TNRC6A: variants seen among roughly 807,000 people sequenced by gnomAD.
The protein encoded by TNRC6A is trinucleotide repeat-containing gene 6A protein.
TNRC6A carries 44 observed loss-of-function variants against 221.2 expected under a neutral mutation model. The ratio of observed to expected loss-of-function variants is 0.20; its 90% CI spans 0.16 to 0.26. The LOEUF (loss-of-function observed/expected upper bound fraction) is 0.26, where lower values mean the gene tolerates loss of function less well. Ranked by LOEUF, TNRC6A falls within the 10% of genes least tolerant of loss-of-function variation. The probability of loss-of-function intolerance (pLI) is 1.00; values close to 1 mark genes in which losing one functional copy is unlikely to be tolerated. For missense variants in TNRC6A, 2,199 were observed against 2,404.4 expected (o/e 0.91, Z 1.79); for synonymous variants, 847 against 838.5 (o/e 1.01, Z -0.18).
intron 2 of TNRC6A, among the ~76,000 whole-genome samples, chr16:24,739,895 A>G (rs2056856001): frequency 1.3e-5 from 2 of 152,198 alleles, no homozygotes; most frequent in Non-Finnish European, 2.9e-5. Flanking sequence ...AAGGTCACAA[A>G]GATTTACTTG....
intron 17 of TNRC6A, among the ~76,000 whole-genome samples, chr16:24,807,311 A>G (rs377240387): frequency 1.3e-5 from 2 of 152,278 alleles, no homozygotes; most frequent in South Asian, 4.1e-4. Context: ...AGCCTTCAAA[A>G]TCACACTATT....
In TNRC6A at chr16:24,720,716, GAAAAAA is replaced by G. The variant is rs984845041; in HGVS notation, n.403-30003_403-29998del. Among the ~76,000 whole-genome samples, 158 of 122,072 alleles carry G rather than the reference GAAAAAA, an allele frequency of 1.3e-3. 1 individual carries two copies. The highest frequency in any genetic ancestry group is 9.5e-3 in the Middle Eastern group (2 of 210). 80.1% of individuals were successfully genotyped at this position (122,072 alleles called of 152,430 possible). A position where few individuals can be genotyped will look rare whatever the true frequency, so the allele number is the denominator to read the frequency against. ...CAAAAAAAAAAAAAAAAGAAAGAAA[GAAAAAA>G]AAAAAAGAAAAAAGAAAAAGAATTA... On this transcript the variant is annotated intron_variant and non_coding_transcript_variant, in intron 2 of 2. Transcript: ENST00000566108.
Position 24,791,645 on chromosome 16 carries a change from T to A in TNRC6A, c.3003T>A (p.Ile1001=). The A allele has an allele frequency of 6.2e-7, 1 of 1,611,756 alleles. No homozygotes were observed. Among genetic ancestry groups the A allele is most frequent in the Non-Finnish European group, 8.5e-7 (1 of 1,179,442 alleles). ...SPESIRRKME[I]DDGTSAWGDP... is the part of the protein sequence containing the mutation. Reference sequence around the variant, plus strand: ...AATCTATACGTCGCAAAATGGAGATTGATGATGGAACTTCAGCTTGGGGAG... The same window carrying A: ...AATCTATACGTCGCAAAATGGAGATAGATGATGGAACTTCAGCTTGGGGAG... The change falls in exon 6 of 25, where the codon ATT becomes ATA. Residue 1001 remains isoleucine, a synonymous_variant. Coordinates refer to ENST00000395799, the MANE Select transcript of TNRC6A (RefSeq NM_014494.4).
chr16:24,742,755 C>T (rs1415747776), intron 2 of TNRC6A, among the ~76,000 whole-genome samples: 1 of 152,092 alleles, frequency 6.6e-6, no homozygotes, highest in Non-Finnish European at 1.5e-5. Context: ...AATCTTGTCT[C>T]TACTAAAAAT....
upstream of TNRC6A, among the ~76,000 whole-genome samples, chr16:24,725,057 A>G (rs1242075901): frequency 1.3e-5 from 2 of 152,176 alleles, no homozygotes; most frequent in Non-Finnish European, 2.9e-5. Flanking sequence ...ATGGAGAAAA[A>G]GGGCTTATTT....
intron 2 of TNRC6A, among the ~76,000 whole-genome samples, chr16:24,722,418 TTTATTTATTTAC>T (rs548493105): frequency 0.029 from 2,284 of 79,596 alleles, 55 homozygotes; most frequent in East Asian, 0.2. Context: ...CAACTATTTA[TTTATTTATTTAC>T]TTATTTATTT....
rs535737725 is a variant in TNRC6A at position 24,669,941 on chromosome 16, C to CTTTTTTTTTTTTTTTTTTTTTTTTTT, written n.402+28934_402+28959dup. 7.4e-4 allele frequency among the ~76,000 whole-genome samples: 20 copies of CTTTTTTTTTTTTTTTTTTTTTTTTTT among 27,188 alleles called. 9 individuals carry two copies. Among genetic ancestry groups the CTTTTTTTTTTTTTTTTTTTTTTTTTT allele is most frequent in the East Asian group, 2.2e-3 (2 of 902 alleles). 17.8% of individuals were successfully genotyped at this position (27,188 alleles called of 152,430 possible). ...TCGTTATGACCCTATGAGGCAGCTA[C>CTTTTTTTTTTTTTTTTTTTTTTTTTT]TTTTTTTTTTTTTTTTTTTTTTTTT... On this transcript the variant is annotated intron_variant and non_coding_transcript_variant, in intron 2 of 2. Transcript: ENST00000566108.
At chr16:24,634,483 T>C (rs1160158584) in intron 1 of TNRC6A, among the ~76,000 whole-genome samples, 5 of 152,144 alleles carry the variant, frequency 3.3e-5, no homozygotes, top group Admixed American at 3.3e-4. Flanking sequence ...CTTAAGTGTT[T>C]CACACACCTT....
chr16:24,823,885 C>G lies in TNRC6A; in HGVS notation c.*78C>G. On this transcript the variant is annotated 3_prime_UTR_variant, in exon 25 of 25. Coordinates refer to ENST00000395799, the MANE Select transcript of TNRC6A (RefSeq NM_014494.4). The surrounding 1 kb of genome is among the most constrained non-coding windows in gnomAD (Gnocchi z 4.3). Reference sequence around the variant, plus strand: ...ACTAAGTGGGGCTCGCCGCCTGCAGCCAGGGGCCGCCTGTGGGAACAGCTA... The same window carrying G: ...ACTAAGTGGGGCTCGCCGCCTGCAGGCAGGGGCCGCCTGTGGGAACAGCTA... 1 of 1,343,264 alleles carries G rather than the reference C, an allele frequency of 7.4e-7. No individual in the cohort carries two copies. Among genetic ancestry groups the G allele is most frequent in the Non-Finnish European group, 9.7e-7 (1 of 1,034,906 alleles). The allele number at this position is 1,343,264 out of a possible 1,614,324, so 83.2% of individuals were successfully genotyped here. A position where few individuals can be genotyped will look rare whatever the true frequency, so the allele number is the denominator to read the frequency against.
chr16:24,824,095 C>CT lies in TNRC6A; in HGVS notation c.*301dup, dbSNP rs11335420. 2.8e-3 allele frequency: 314 copies of CT among 112,118 alleles called. 1 individual carries two copies. Among genetic ancestry groups the CT allele is most frequent in the Middle Eastern group, 9.6e-3 (2 of 208 alleles). 6.9% of individuals were successfully genotyped at this position (112,118 alleles called of 1,614,324 possible). On this transcript the variant is annotated 3_prime_UTR_variant, in exon 25 of 25. Transcript: ENST00000395799. ...ATTCATCATGTTTAGCCTTTGGATT[C>CT]TTTTTTTTTTTTTCCTTCTATTCCT...
chr16:24,808,798 A>G (rs541163792), intron 17 of TNRC6A, among the ~76,000 whole-genome samples: 5 of 152,214 alleles, frequency 3.3e-5, no homozygotes, highest in Non-Finnish European at 7.3e-5. Context: ...CAAGCGTTTT[A>G]GGTGATTCTA....
intron 1 of TNRC6A, among the ~76,000 whole-genome samples, chr16:24,629,296 A>T (rs969487578): frequency 7.2e-5 from 11 of 152,206 alleles, no homozygotes; most frequent in Admixed American, 5.9e-4. Context: ...AGTGCTTCAA[A>T]CATCTGACAA....
At chr16:24,705,612 A>G (rs972246530) in intron 2 of TNRC6A, among the ~76,000 whole-genome samples, 14 of 152,350 alleles carry the variant, frequency 9.2e-5, no homozygotes, top group Non-Finnish European at 1.8e-4. Context: ...GATTACAGGC[A>G]TGAGTCACCG....
rs551269541 is a variant in TNRC6A, at chr16:24,651,184, CAAA to C, written n.402+10191_402+10193del. On this transcript the variant is annotated intron_variant and non_coding_transcript_variant, in intron 2 of 2. Transcript: ENST00000566108. ...CCACATATCCACCAACTGGGTATGG[CAAA>C]AAAAAAAAAAAAAAATTGTGGTGTA... Among the ~76,000 whole-genome samples the C allele has an allele frequency of 2.3e-3, 256 of 111,896 alleles. 3 individuals are homozygous for C. In the South Asian group the frequency reaches 0.033, roughly 14 times the overall value. 73.4% of individuals were successfully genotyped at this position (111,896 alleles called of 152,430 possible).
intron 2 of TNRC6A, among the ~76,000 whole-genome samples, chr16:24,657,317 C>CAAAAAAAA (rs56241898): frequency 3.5e-4 from 31 of 88,136 alleles, no homozygotes; most frequent in Non-Finnish European, 4.8e-4. Flanking sequence ...GACCCTATCT[C>CAAAAAAAA]AAAAAAAAAA....
chr16:24,680,548 C>T (rs1191505592), intron 2 of TNRC6A, among the ~76,000 whole-genome samples: 1 of 151,828 alleles, frequency 6.6e-6, no homozygotes, highest in African/African-American at 2.4e-5. Context: ...GAAACCTCAT[C>T]TCTACTAAAA....
At chr16:24,699,722 C>CAA in intron 2 of TNRC6A, among the ~76,000 whole-genome samples, 1 of 96,504 alleles carries the variant, frequency 1.0e-5, no homozygotes, top group African/African-American at 4.1e-5. Context: ...CTGTCTCTAC[C>CAA]AAAAAAAAAA....
intron 2 of TNRC6A, among the ~76,000 whole-genome samples, chr16:24,654,242 CAT>C (rs1902829534): frequency 6.6e-6 from 1 of 152,242 alleles, no homozygotes; most frequent in East Asian, 1.9e-4. Context: ...CCAATGTTAA[CAT>C]ATTAAATGAA....
At chr16:24,677,737 T>C (rs1366352015) in intron 2 of TNRC6A, among the ~76,000 whole-genome samples, 2 of 152,214 alleles carry the variant, frequency 1.3e-5, no homozygotes, top group East Asian at 3.9e-4. Flanking sequence ...TTCCCCCTTT[T>C]ATCCTCAGTA....
Sources: gnomAD v4.1 joint callset for allele counts (sites outside exome capture counted in the v4.1 genomes callset) on GRCh38, gnomAD v4.1.1 for gene constraint, Gnocchi (gnomAD v3.1) non-coding constraint, MANE v1.5 for transcripts, NCBI Gene and HGNC (gene_info 2026-07-23, HGNC 2026-07-21) for gene names.